SPATS2L: variants seen among roughly 807,000 people sequenced by gnomAD.
SPATS2L encodes the protein spermatogenesis associated serine rich 2 like.
In SPATS2L, 30 loss-of-function variants were observed where a neutral mutation model predicts 59.6. The observed-to-expected ratio is 0.50, with a 90% confidence interval of 0.38 to 0.68. The LOEUF (loss-of-function observed/expected upper bound fraction) is 0.68, where lower values mean the gene tolerates loss of function less well. Among genes scored for constraint, SPATS2L ranks in the 30% least tolerant of loss-of-function variants. The pLI is 0.00. For missense variants in SPATS2L, 615 were observed against 700.0 expected (o/e 0.88, Z 1.37); for synonymous variants, 252 against 263.5 (o/e 0.96, Z 0.42).
Position 200,473,063 on chromosome 2 carries a change from A to G in SPATS2L, c.1281+11A>G. ...CCGGCCAACAAGCAGGTAAGCCGAC[A>G]CTGGTGCAGGGTGCCAGAGGAAAAA... On this transcript the variant is annotated intron_variant, in intron 12 of 12. Transcript: ENST00000409140. 3.7e-6 allele frequency: 6 copies of G among 1,604,132 alleles called. No individual in the cohort carries two copies. Among genetic ancestry groups the G allele is most frequent in the Non-Finnish European group, 5.1e-6 (6 of 1,173,878 alleles).
At chr2:200,438,667 A>T (rs2084469959) in intron 6 of SPATS2L, among the ~76,000 whole-genome samples, 1 of 152,144 alleles carries the variant, frequency 6.6e-6, no homozygotes, top group Non-Finnish European at 1.5e-5. Context: ...GCCTTCATTA[A>T]TTCGGAATGA....
At chr2:200,323,492 G>C (rs1052091814) in intron 1 of SPATS2L, among the ~76,000 whole-genome samples, 1 of 152,176 alleles carries the variant, frequency 6.6e-6, no homozygotes, top group Non-Finnish European at 1.5e-5. Flanking sequence ...TAAGATAAAT[G>C]TAGAAATATA....
chr2:200,375,285 A>G (rs1356918649), intron 2 of SPATS2L, among the ~76,000 whole-genome samples: 2 of 152,100 alleles, frequency 1.3e-5, no homozygotes, highest in Non-Finnish European at 2.9e-5. Context: ...TTTTTTTCAT[A>G]CTCCATAGAA....
intron 2 of SPATS2L, among the ~76,000 whole-genome samples, chr2:200,348,031 G>A (rs574605848): frequency 6.6e-6 from 1 of 152,214 alleles, no homozygotes; most frequent in South Asian, 2.1e-4. Context: ...CACAGCAATT[G>A]TATTTTCCAG....
intron 8 of SPATS2L, among the ~76,000 whole-genome samples, chr2:200,457,188 C>T (rs1156476852): frequency 6.6e-6 from 1 of 151,396 alleles, no homozygotes; most frequent in Non-Finnish European, 1.5e-5. Flanking sequence ...AGCAGTGCCC[C>T]TCTCTAAGAA....
In SPATS2L at chr2:200,481,692, G is replaced by T. The variant is rs1317301430; in HGVS notation, c.*3661G>T. The T allele has an allele frequency of 6.6e-6, 1 of 152,396 alleles. No individual in the cohort carries two copies. The highest frequency in any genetic ancestry group is 6.5e-5 in the Admixed American group (1 of 15,284). The allele number at this position is 152,396 out of a possible 1,614,324, so 9.4% of individuals were successfully genotyped here. A position where few individuals can be genotyped will look rare whatever the true frequency, so the allele number is the denominator to read the frequency against. The stretch of plus-strand genomic sequence containing the variant: ...AACGGCACCCTTTTTTGCTGTACGC[G>T]TTTTTTGAGATGGAGTCTCGCTCTG... On this transcript the variant is annotated 3_prime_UTR_variant, in exon 13 of 13. Transcript: ENST00000409140.
chr2:200,345,127 C>T (rs1435095531), intron 2 of SPATS2L, among the ~76,000 whole-genome samples: 2 of 152,142 alleles, frequency 1.3e-5, no homozygotes, highest in Admixed American at 6.6e-5. Flanking sequence ...TTGGCAACTT[C>T]ATCATGAAAT....
chr2:200,314,424 C>T (rs1434795816), intron 1 of SPATS2L, among the ~76,000 whole-genome samples: 1 of 152,202 alleles, frequency 6.6e-6, no homozygotes, highest in Non-Finnish European at 1.5e-5. Flanking sequence ...CGCAACTGGT[C>T]TCTCTGGCTT....
chr2:200,433,672 A>G (rs958970523), intron 6 of SPATS2L, among the ~76,000 whole-genome samples: 3 of 152,138 alleles, frequency 2.0e-5, no homozygotes, highest in African/African-American at 7.2e-5. Flanking sequence ...TTTATTTAAA[A>G]GCTAACAGGA....
At chr2:200,327,446 T>C (rs561622920) in intron 1 of SPATS2L, among the ~76,000 whole-genome samples, 90 of 152,232 alleles carry the variant, frequency 5.9e-4, no homozygotes, top group African/African-American at 2.1e-3. Context: ...GTTGTAAATA[T>C]CTTGTGCTGA....
intron 4 of SPATS2L, 89 bp downstream of exon 4, chr2:200,412,508 A>G: frequency 4.1e-5 from 27 of 665,048 alleles, no homozygotes; most frequent in Non-Finnish European, 6.0e-5. Flanking sequence ...CTGAATATCA[A>G]TTCATTATGT....
chr2:200,448,398 C>T lies in SPATS2L; in HGVS notation c.788+7614C>T, dbSNP rs368935476. On this transcript the variant is annotated intron_variant, in intron 8 of 12. Transcript: ENST00000409140. ...CAGAGGTGGCAGTGAGCTGAGATCACACCACCGCACTCCAGCCTGGGTGAC... is the reference window on the plus strand; with the variant it reads ...CAGAGGTGGCAGTGAGCTGAGATCATACCACCGCACTCCAGCCTGGGTGAC... 3.3e-5 allele frequency among the ~76,000 whole-genome samples: 5 copies of T among 152,270 alleles called. 1 individual carries two copies. The highest frequency in any genetic ancestry group is 1.9e-4 in the East Asian group (1 of 5,176).
intron 1 of SPATS2L, among the ~76,000 whole-genome samples, chr2:200,314,076 C>T (rs1049217981): frequency 2.0e-5 from 3 of 152,220 alleles, no homozygotes; most frequent in Non-Finnish European, 4.4e-5. Flanking sequence ...TCTACTACCA[C>T]CTATATGCCA....
chr2:200,445,037 A>G (rs992747460), intron 8 of SPATS2L, among the ~76,000 whole-genome samples: 12 of 152,178 alleles, frequency 7.9e-5, no homozygotes, highest in Non-Finnish European at 1.5e-4. Flanking sequence ...CTACTCTAAA[A>G]GTGAGAATGT....
chr2:200,326,311 A>G (rs1431766), intron 1 of SPATS2L, among the ~76,000 whole-genome samples: 60,462 of 152,098 alleles, frequency 0.4, 13,417 homozygotes, highest in East Asian at 0.73. Flanking sequence ...TCCATAATAT[A>G]TTCTGAGATT....
chr2:200,306,301 A>G, upstream of SPATS2L: 1 of 1,002,404 alleles, frequency 1.0e-6, no homozygotes, highest in Non-Finnish European at 1.2e-6. Context: ...GGGTAGGAGA[A>G]GATGATTCTC....
At chr2:200,369,754 G>A (rs1459003318) in intron 2 of SPATS2L, among the ~76,000 whole-genome samples, 1 of 152,136 alleles carries the variant, frequency 6.6e-6, no homozygotes, top group African/African-American at 2.4e-5. Context: ...TGGAATCCTA[G>A]TGATGTCGAG....
Position 200,481,559 on chromosome 2 carries a change from G to C in SPATS2L, c.*3528G>C, listed in dbSNP as rs1189069090. 6.6e-6 allele frequency: 1 copy of C among 152,234 alleles called. No homozygotes were observed. Among genetic ancestry groups the C allele is most frequent in the Non-Finnish European group, 1.5e-5 (1 of 68,054 alleles). 9.4% of individuals were successfully genotyped at this position (152,234 alleles called of 1,614,324 possible). On this transcript the variant is annotated 3_prime_UTR_variant, in exon 13 of 13. Coordinates refer to ENST00000409140, the MANE Select transcript of SPATS2L (RefSeq NM_001100423.2). ...GCTTTCTTCCTCCCTCCCTCCCTTTGCACGCTGCATCCCACGCTGCCTGCT... is the reference window on the plus strand; with the variant it reads ...GCTTTCTTCCTCCCTCCCTCCCTTTCCACGCTGCATCCCACGCTGCCTGCT...
At chr2:200,307,442 A>G (rs1452040743) in intron 1 of SPATS2L, among the ~76,000 whole-genome samples, 1 of 151,838 alleles carries the variant, frequency 6.6e-6, no homozygotes, top group Non-Finnish European at 1.5e-5. Context: ...GGCCCCACTG[A>G]ACCCCGCGCC....
Sources: gnomAD v4.1 joint callset for allele counts (sites outside exome capture counted in the v4.1 genomes callset) on GRCh38, gnomAD v4.1.1 for gene constraint, MANE v1.5 for transcripts, NCBI Gene and HGNC (gene_info 2026-07-23, HGNC 2026-07-21) for gene names.